ARHGAP10: variants seen among roughly 807,000 people sequenced by gnomAD.
ARHGAP10 encodes the protein Rho GTPase activating protein 10.
Under a neutral mutation model 108.6 loss-of-function variants are expected in ARHGAP10, and 87 were observed. The observed-to-expected ratio is 0.80, with a 90% CI of 0.67 to 0.96. ARHGAP10 has a LOEUF of 0.96. Ranked by LOEUF, ARHGAP10 falls within the 40% of genes least tolerant of loss-of-function variation. The probability of loss-of-function intolerance (pLI) is 0.00; values close to 1 mark genes in which losing one functional copy is unlikely to be tolerated. For synonymous variants in ARHGAP10, 347 were observed against 341.1 expected (o/e 1.02, Z -0.19); for missense variants, 939 against 954.5 (o/e 0.98, Z 0.21).
intron 1 of ARHGAP10, among the ~76,000 whole-genome samples, chr4:147,743,472 C>T (rs973398975): frequency 5.3e-5 from 8 of 152,106 alleles, no homozygotes; most frequent in Non-Finnish European, 1.2e-4. Flanking sequence ...TGATTTCCTC[C>T]TCTGTAAAAT....
chr4:147,896,957 T>A (rs1271338615), intron 10 of ARHGAP10, among the ~76,000 whole-genome samples: 1 of 152,102 alleles, frequency 6.6e-6, no homozygotes, highest in Admixed American at 6.5e-5. Flanking sequence ...GAGAAAACAG[T>A]TTATAGTCTA....
At chr4:148,000,667 C>T (rs1022068626) in intron 18 of ARHGAP10, among the ~76,000 whole-genome samples, 6 of 152,198 alleles carry the variant, frequency 3.9e-5, no homozygotes, top group African/African-American at 1.4e-4. Flanking sequence ...TTGCATTTCT[C>T]TGATGACCAG....
intron 10 of ARHGAP10, among the ~76,000 whole-genome samples, chr4:147,893,064 T>C (rs1811406): frequency 0.81 from 116,137 of 143,916 alleles, 47,414 homozygotes; most frequent in Non-Finnish European, 0.92. Flanking sequence ...TGGAAGTAAA[T>C]TTTTTTTTTT....
Position 148,072,350 on chromosome 4 carries a change from T to C in ARHGAP10, c.*269T>C. On this transcript the variant is annotated 3_prime_UTR_variant, in exon 23 of 23. Coordinates refer to ENST00000336498, the MANE Select transcript of ARHGAP10 (RefSeq NM_024605.4). ...AAGTATTGGGACTTGTGATTTTTAA[T>C]TATCCAGCATATAGAATGAGAGGGA... is the stretch of plus-strand genomic sequence containing the variant. 2.4e-6 allele frequency: 1 copy of C among 412,006 alleles called. No individual in the cohort carries two copies. 25.5% of individuals were successfully genotyped at this position (412,006 alleles called of 1,614,324 possible).
intron 16 of ARHGAP10, among the ~76,000 whole-genome samples, chr4:147,956,709 G>C (rs1341297764): frequency 1.3e-5 from 2 of 151,096 alleles, no homozygotes; most frequent in African/African-American, 2.4e-5. Flanking sequence ...TTGAGAATTA[G>C]AGAAAGATAA....
chr4:147,824,696 T>C (rs1054514329), intron 3 of ARHGAP10, among the ~76,000 whole-genome samples: 1 of 151,994 alleles, frequency 6.6e-6, no homozygotes, highest in African/African-American at 2.4e-5. Context: ...TATAGAACCT[T>C]CAGATCTCAC....
chr4:147,767,114 G>T (rs2126713795), intron 1 of ARHGAP10, among the ~76,000 whole-genome samples: 1 of 152,070 alleles, frequency 6.6e-6, no homozygotes, highest in East Asian at 1.9e-4. Flanking sequence ...GCCGCCCAAA[G>T]TGCTGGGATT....
intron 1 of ARHGAP10, among the ~76,000 whole-genome samples, chr4:147,785,245 T>TTAG (rs1229592546): frequency 1.3e-5 from 2 of 151,936 alleles, no homozygotes; most frequent in African/African-American, 4.8e-5. Context: ...AGTTTTGCTT[T>TTAG]TAGATTTCCC....
chr4:148,067,752 C>T (rs780754721), intron 22 of ARHGAP10, among the ~76,000 whole-genome samples: 15 of 152,242 alleles, frequency 9.9e-5, no homozygotes, highest in Non-Finnish European at 1.6e-4. Flanking sequence ...TGGGCGGCCT[C>T]GTCAGTAGTT....
At chr4:147,781,685 T>TC (rs1291437598) in intron 1 of ARHGAP10, among the ~76,000 whole-genome samples, 2 of 149,732 alleles carry the variant, frequency 1.3e-5, no homozygotes, top group Non-Finnish European at 3.0e-5. Flanking sequence ...TCTTTTCTTT[T>TC]TTTTTTTTTT....
chr4:147,831,152 G>GAAAT (rs1732941659), intron 3 of ARHGAP10, among the ~76,000 whole-genome samples: 1 of 152,226 alleles, frequency 6.6e-6, no homozygotes, highest in Non-Finnish European at 1.5e-5. Flanking sequence ...GGGTGCTAGT[G>GAAAT]AAATCTTGGC....
intron 1 of ARHGAP10, among the ~76,000 whole-genome samples, chr4:147,746,151 T>A (rs1428664199): frequency 6.6e-6 from 1 of 151,524 alleles, no homozygotes; most frequent in Non-Finnish European, 1.5e-5. Flanking sequence ...GTCGCCAGGC[T>A]GGAGTGCTGT....
intron 13 of ARHGAP10, among the ~76,000 whole-genome samples, chr4:147,927,817 A>G (rs1223956875): frequency 6.6e-6 from 1 of 152,162 alleles, no homozygotes; most frequent in Non-Finnish European, 1.5e-5. Context: ...TGTGAGGAAA[A>G]ACTGAAGGGC....
intron 18 of ARHGAP10, among the ~76,000 whole-genome samples, chr4:148,004,104 C>T (rs918317102): frequency 6.6e-6 from 1 of 152,170 alleles, no homozygotes; most frequent in Non-Finnish European, 1.5e-5. Context: ...TGGTGCACGC[C>T]TGTAATTCCA....
chr4:147,962,809 G>C (rs922248076), intron 16 of ARHGAP10, among the ~76,000 whole-genome samples: 1 of 152,026 alleles, frequency 6.6e-6, no homozygotes, highest in Non-Finnish European at 1.5e-5. Context: ...GATTACAGGT[G>C]CACACCACCA....
intron 17 of ARHGAP10, 109 bp downstream of exon 17, chr4:147,965,238 C>T: frequency 1.4e-6 from 1 of 694,836 alleles, no homozygotes; most frequent in Non-Finnish European, 2.3e-6. Flanking sequence ...GAAGGGCAGG[C>T]TGAACGTTTG....
In ARHGAP10 at chr4:147,795,826, C is replaced by G. The variant is rs28586940; in HGVS notation, c.155-26901C>G. 1.5e-3 allele frequency among the ~76,000 whole-genome samples: 228 copies of G among 151,826 alleles called. 1 individual carries two copies. The highest frequency in any genetic ancestry group is 5.1e-3 in the African/African-American group (213 of 41,384). On this transcript the variant is annotated intron_variant, in intron 1 of 22. Coordinates refer to ENST00000336498, the MANE Select transcript of ARHGAP10 (RefSeq NM_024605.4). The stretch of plus-strand genomic sequence containing the variant: ...TCTCCTGCCTCAGCCTCCCGAATAG[C>G]TGGGATTATAAGTGTGTACCACCAC...
chr4:147,780,140 TAATTATAA>T, intron 1 of ARHGAP10, among the ~76,000 whole-genome samples: 1 of 152,232 alleles, frequency 6.6e-6, no homozygotes, highest in East Asian at 1.9e-4. Context: ...AGTTGGAACA[TAATTATAA>T]AATTAAAAAT....
At chr4:147,984,235 T>C (rs1241339151) in intron 18 of ARHGAP10, among the ~76,000 whole-genome samples, 1 of 152,116 alleles carries the variant, frequency 6.6e-6, no homozygotes, top group African/African-American at 2.4e-5. Flanking sequence ...CAGAGAAGCA[T>C]GAAAAGCGCC....
Sources: gnomAD v4.1 joint callset for allele counts (sites outside exome capture counted in the v4.1 genomes callset) on GRCh38, gnomAD v4.1.1 for gene constraint, MANE v1.5 for transcripts, NCBI Gene and HGNC (gene_info 2026-07-23, HGNC 2026-07-21) for gene names.